The following CACNA2D3 variants were observed in gnomAD, a reference collection of about 807,000 sequenced individuals.
CACNA2D3 encodes calcium voltage-gated channel auxiliary subunit alpha2delta 3.
Under a neutral mutation model 160.6 loss-of-function variants are expected in CACNA2D3, and 60 were observed. The observed-to-expected ratio is 0.37, with a 90% CI of 0.30 to 0.46. The LOEUF is 0.46. Among genes scored for constraint, CACNA2D3 ranks in the 20% least tolerant of loss-of-function variants. The probability of loss-of-function intolerance (pLI) is 1.00; values close to 1 mark genes in which losing one functional copy is unlikely to be tolerated. For missense variants in CACNA2D3, 1,205 were observed against 1,365.0 expected, an observed-to-expected ratio of 0.88 and a Z score of 1.85; for synonymous variants, 558 against 492.9, an observed-to-expected ratio of 1.13 and a Z score of -1.75.
intron 35 of CACNA2D3, among the ~76,000 whole-genome samples, chr3:55,071,241 G>A (rs1391224570): frequency 3.3e-5 from 5 of 151,960 alleles, no homozygotes; most frequent in African/African-American, 1.2e-4. Flanking sequence ...TTTTAGGAGT[G>A]TTTGTGGCAA....
chr3:54,464,618 C>G (rs538929876), intron 4 of CACNA2D3, among the ~76,000 whole-genome samples: 1 of 152,332 alleles, frequency 6.6e-6, no homozygotes, highest in South Asian at 2.1e-4. Flanking sequence ...GTTTTTTAAG[C>G]CCGTCGGAAA....
At chr3:54,804,394 G>A (rs1703066089) in intron 13 of CACNA2D3, among the ~76,000 whole-genome samples, 2 of 152,088 alleles carry the variant, frequency 1.3e-5, no homozygotes, top group Non-Finnish European at 2.9e-5. Flanking sequence ...AAAAAAGTCA[G>A]GGGTTGCAAT....
chr3:54,852,916 T>C (rs1699090156), intron 17 of CACNA2D3, among the ~76,000 whole-genome samples: 1 of 152,136 alleles, frequency 6.6e-6, no homozygotes, highest in Admixed American at 6.5e-5. Context: ...AGGAAGAGAT[T>C]CTGTATAATT....
At chr3:54,857,863 C>T (rs910937381) in intron 17 of CACNA2D3, among the ~76,000 whole-genome samples, 1 of 152,138 alleles carries the variant, frequency 6.6e-6, no homozygotes, top group African/African-American at 2.4e-5. Context: ...GTATTCCTAA[C>T]ACACCAGCCT....
intron 2 of CACNA2D3, among the ~76,000 whole-genome samples, chr3:54,198,487 T>G (rs1305484841): frequency 6.6e-6 from 1 of 152,254 alleles, no homozygotes. Flanking sequence ...GGCCAGCCGC[T>G]CTGTGGGGCT....
At chr3:54,765,030 T>A (rs1358569714) in intron 13 of CACNA2D3, among the ~76,000 whole-genome samples, 1 of 122,452 alleles carries the variant, frequency 8.2e-6, no homozygotes, top group African/African-American at 2.6e-5. Flanking sequence ...CTGATGGGAG[T>A]GGTGTTTTTC....
intron 35 of CACNA2D3, among the ~76,000 whole-genome samples, chr3:55,019,166 G>A (rs1486033306): frequency 1.3e-5 from 2 of 150,108 alleles, no homozygotes; most frequent in East Asian, 3.9e-4. Flanking sequence ...TCTGTTTCCA[G>A]ATCTTATGGT....
chr3:54,829,699 A>G (rs1208260059), intron 14 of CACNA2D3, among the ~76,000 whole-genome samples: 3 of 151,930 alleles, frequency 2.0e-5, no homozygotes, highest in Non-Finnish European at 4.4e-5. Context: ...TACCCAGAGA[A>G]TGGCCCTTAA....
In CACNA2D3 at chr3:54,503,449, C is replaced by T. The variant is rs762622776; in HGVS notation, c.382-43C>T. 1.9e-6 allele frequency: 3 copies of T among 1,599,222 alleles called. No homozygotes were observed. In the Admixed American group the frequency reaches 5.0e-5, roughly 27 times the overall value. ...CAGGTCTAAGTGAGTTCACAGCCCT[C>T]TTCCCTAAGCCACATGTAATGTTTT... On this transcript the variant is annotated intron_variant, in intron 4 of 37. Transcript: ENST00000474759.
intron 11 of CACNA2D3, among the ~76,000 whole-genome samples, chr3:54,736,922 A>G (rs889103653): frequency 1.3e-5 from 2 of 152,182 alleles, no homozygotes; most frequent in African/African-American, 4.8e-5. Context: ...GACCACCTCA[A>G]TGCAGTCGTA....
At position 54,218,213 on chromosome 3, in the gene CACNA2D3, C is replaced by T. The variant is rs192649690; in HGVS notation, c.204+94619C>T. On this transcript the variant is annotated intron_variant, in intron 2 of 37. Coordinates refer to ENST00000474759, the MANE Select transcript of CACNA2D3 (RefSeq NM_018398.3). ...CAACCAGGCCTGGCTTAACAGTGGG[C>T]GTCTCCCACTGTCACACCCCAGGGG... Among the ~76,000 whole-genome samples, 10 of 152,242 alleles carry T rather than the reference C, an allele frequency of 6.6e-5. No individual in the cohort carries two copies. In the East Asian group the frequency reaches 1.5e-3, roughly 24 times the overall value.
intron 5 of CACNA2D3, among the ~76,000 whole-genome samples, chr3:54,554,868 C>CTTTTTTTTTTTTT (rs1248489904): frequency 1.1e-5 from 1 of 88,172 alleles, no homozygotes; most frequent in African/African-American, 5.0e-5. Context: ...CTCTCTCACT[C>CTTTTTTTTTTTTT]TCTTTTTTTT....
chr3:54,284,438 A>G (rs1559908299), intron 2 of CACNA2D3, among the ~76,000 whole-genome samples: 1 of 152,048 alleles, frequency 6.6e-6, no homozygotes, highest in Non-Finnish European at 1.5e-5. Context: ...AATATACCAC[A>G]ATAACATATA....
intron 2 of CACNA2D3, among the ~76,000 whole-genome samples, chr3:54,318,309 A>G (rs1398383546): frequency 6.6e-6 from 1 of 152,160 alleles, no homozygotes; most frequent in African/African-American, 2.4e-5. Flanking sequence ...AGAAAAGTCT[A>G]GATTGAAGGA....
intron 5 of CACNA2D3, among the ~76,000 whole-genome samples, chr3:54,514,956 A>G (rs1336807045): frequency 1.3e-5 from 2 of 152,182 alleles, no homozygotes; most frequent in African/African-American, 4.8e-5. Context: ...CTACTGTAGA[A>G]AAAGAAAGCC....
chr3:54,632,898 T>C (rs1012393324), intron 10 of CACNA2D3: 2 of 152,218 alleles, frequency 1.3e-5, no homozygotes, highest in Non-Finnish European at 2.9e-5. Context: ...GACAGTAGAA[T>C]AGTGGTCGCG....
At chr3:54,312,405 C>T (rs932315713) in intron 2 of CACNA2D3, among the ~76,000 whole-genome samples, 2 of 152,116 alleles carry the variant, frequency 1.3e-5, no homozygotes, top group African/African-American at 4.8e-5. Context: ...GGTGCCAAGT[C>T]CACTCAGAGC....
chr3:54,513,050 T>A (rs1277346912), intron 5 of CACNA2D3, among the ~76,000 whole-genome samples: 1 of 152,088 alleles, frequency 6.6e-6, no homozygotes, highest in African/African-American at 2.4e-5. Flanking sequence ...ACCTGCCCCA[T>A]GATTCAATTT....
intron 3 of CACNA2D3, among the ~76,000 whole-genome samples, chr3:54,321,731 C>T (rs1451224808): frequency 6.6e-6 from 1 of 152,128 alleles, no homozygotes. Flanking sequence ...TTTACTGCCG[C>T]CTTGCTTTCA....
Sources: gnomAD v4.1 joint callset for allele counts (sites outside exome capture counted in the v4.1 genomes callset) on GRCh38, gnomAD v4.1.1 for gene constraint, MANE v1.5 for transcripts, NCBI Gene and HGNC (gene_info 2026-07-23, HGNC 2026-07-21) for gene names.